Variants in CFAP221 observed in about 807,000 individuals in gnomAD.
CFAP221 encodes cilia and flagella associated protein 221.
In CFAP221, 97 loss-of-function variants were observed where a neutral mutation model predicts 113.1. The observed-to-expected ratio is 0.86, with a 90% CI of 0.73 to 1.02. The LOEUF is 1.02. CFAP221 is among the 50% of genes least tolerant of loss of function. The pLI, the probability that CFAP221 is intolerant of heterozygous loss-of-function variation, is 0.00. For missense variants in CFAP221, 1,025 were observed against 1,013.4 expected, an observed-to-expected ratio of 1.01 and a Z score of -0.16; for synonymous variants, 331 against 354.4, an observed-to-expected ratio of 0.93 and a Z score of 0.74.
chr2:119,642,670 C>T (rs1687563906), intron 21 of CFAP221, among the ~76,000 whole-genome samples: 1 of 150,978 alleles, frequency 6.6e-6, no homozygotes, highest in South Asian at 2.1e-4. Flanking sequence ...TCCCAAGTAG[C>T]TGGGATTATA....
intron 14 of CFAP221, among the ~76,000 whole-genome samples, chr2:119,617,219 G>C (rs1685587567): frequency 6.6e-6 from 1 of 152,204 alleles, no homozygotes; most frequent in South Asian, 2.1e-4. Context: ...GAGGAAGGCA[G>C]AGATCACTGC....
chr2:119,645,084 T>C (rs1015862436), intron 21 of CFAP221, among the ~76,000 whole-genome samples: 2 of 149,904 alleles, frequency 1.3e-5, no homozygotes, highest in African/African-American at 4.9e-5. Context: ...TCTTTTCTCT[T>C]TCTTTTCTCA....
At chr2:119,579,224 C>T (rs528590425) in intron 6 of CFAP221, among the ~76,000 whole-genome samples, 12 of 151,910 alleles carry the variant, frequency 7.9e-5, no homozygotes, top group African/African-American at 2.9e-4. Context: ...TTTTAGTTGC[C>T]TGATTCCTCT....
At chr2:119,591,903 G>GA (rs1169623436) in intron 7 of CFAP221, among the ~76,000 whole-genome samples, 3 of 151,564 alleles carry the variant, frequency 2.0e-5, no homozygotes, top group East Asian at 1.9e-4. Flanking sequence ...GCAACAATGG[G>GA]AAAAAAAGAG....
chr2:119,591,444 C>T (rs1465334808), intron 7 of CFAP221, among the ~76,000 whole-genome samples: 1 of 152,198 alleles, frequency 6.6e-6, no homozygotes, highest in African/African-American at 2.4e-5. Flanking sequence ...TGATGGGTGG[C>T]AGTGGTTGCA....
chr2:119,628,874 G>C (rs1686560314), intron 16 of CFAP221, among the ~76,000 whole-genome samples: 1 of 152,150 alleles, frequency 6.6e-6, no homozygotes, highest in African/African-American at 2.4e-5. Flanking sequence ...GGGTGAAGAG[G>C]TTGATGGGGT....
chr2:119,655,786 G>C (rs1688394314), intron 23 of CFAP221, among the ~76,000 whole-genome samples: 1 of 151,450 alleles, frequency 6.6e-6, no homozygotes. Flanking sequence ...TACTCCCACT[G>C]CACCCATCAA....
intron 14 of CFAP221, among the ~76,000 whole-genome samples, chr2:119,619,315 A>C (rs1299799819): frequency 6.6e-6 from 1 of 152,230 alleles, no homozygotes; most frequent in East Asian, 1.9e-4. Context: ...GCAGGGGTCT[A>C]CAAATACCTC....
At chr2:119,651,920 T>G in intron 22 of CFAP221, 54 bp from the exon 23 acceptor site, 1 of 1,375,944 alleles carries the variant, frequency 7.3e-7, no homozygotes, top group Admixed American at 1.9e-5. Context: ...TTCATTCCTA[T>G]TTTTACACTG....
In CFAP221 at chr2:119,611,725, G is replaced by A. The variant is rs752122190; in HGVS notation, c.1294G>A (p.Val432Ile). 262 of 1,612,584 alleles carry A rather than the reference G, an allele frequency of 1.6e-4. 1 individual carries two copies. Among genetic ancestry groups the A allele is most frequent in the South Asian group, 1.4e-3 (127 of 90,826 alleles). Residue 432 changes from valine (V) to isoleucine (I), a missense_variant, in exon 13 of 24, where the codon GTT becomes ATT. Transcript: ENST00000413369. ...LKTEVSHKRV[V>I]RNQEEKIKEF... ...AACAGAAGTTAGCCATAAACGGGTT[G>A]TTCGCAATCAAGAAGAGGTGGGTAA...
intron 3 of CFAP221, among the ~76,000 whole-genome samples, chr2:119,557,633 G>A (rs1442668184): frequency 6.6e-6 from 1 of 152,126 alleles, no homozygotes; most frequent in East Asian, 1.9e-4. Flanking sequence ...ATGGATTTAG[G>A]TGGCATAATT....
rs1162369723 is a variant in CFAP221 at position 119,559,760 on chromosome 2, C to A, written c.312C>A (p.Ile104=). 5.2e-6 allele frequency: 8 copies of A among 1,526,346 alleles called. No homozygotes were observed. Among genetic ancestry groups the A allele is most frequent in the Admixed American group, 2.0e-5 (1 of 50,942 alleles). 94.6% of individuals were successfully genotyped at this position (1,526,346 alleles called of 1,614,324 possible). A position where few individuals can be genotyped will look rare whatever the true frequency, so the allele number is the denominator to read the frequency against. The change falls in exon 4 of 24, where the codon ATC becomes ATA. Residue 104 remains isoleucine (I), a synonymous_variant. Transcript: ENST00000413369. Reference sequence around the variant, plus strand: ...CCCCGCAAACCAAATACTTTGAGATCAATTATGTAAGAAAGGTAAGCGTCA... The same window carrying A: ...CCCCGCAAACCAAATACTTTGAGATAAATTATGTAAGAAAGGTAAGCGTCA... ...ILPPQTKYFE[I]NYVRKEHHLV... is the part of the protein sequence containing the mutation.
intron 3 of CFAP221, among the ~76,000 whole-genome samples, chr2:119,553,986 C>A (rs948456135): frequency 2.0e-5 from 3 of 152,150 alleles, no homozygotes; most frequent in African/African-American, 7.2e-5. Flanking sequence ...GGTGGTCATA[C>A]TGCTTCGATC....
downstream of CFAP221, among the ~76,000 whole-genome samples, chr2:119,659,512 C>T (rs1377343866): frequency 6.6e-6 from 1 of 152,302 alleles, no homozygotes; most frequent in Non-Finnish European, 1.5e-5. Flanking sequence ...TTCTCATTCC[C>T]AATCCATCTC....
intron 5 of CFAP221, among the ~76,000 whole-genome samples, chr2:119,561,651 G>A (rs1348839683): frequency 2.0e-5 from 3 of 152,290 alleles, no homozygotes; most frequent in South Asian, 4.1e-4. Context: ...ATTCTGTGCT[G>A]TCTGGATCAG....
chr2:119,599,042 A>C (rs988402707), intron 7 of CFAP221, among the ~76,000 whole-genome samples: 4 of 152,182 alleles, frequency 2.6e-5, no homozygotes, highest in Non-Finnish European at 4.4e-5. Context: ...GGAGAGTCAC[A>C]GTTTCTATCC....
At chr2:119,562,204 G>A in intron 6 of CFAP221, 90 bp downstream of exon 6, 1 of 689,318 alleles carries the variant, frequency 1.5e-6, no homozygotes, top group South Asian at 2.2e-5. Flanking sequence ...TTTCCTAATG[G>A]AAGTTCATCC....
intron 6 of CFAP221, among the ~76,000 whole-genome samples, chr2:119,582,187 A>G (rs1200151603): frequency 6.6e-6 from 1 of 152,376 alleles, no homozygotes. Flanking sequence ...GAAGAAAAAC[A>G]TATTTGGAAA....
chr2:119,591,765 A>G (rs1335855742), intron 7 of CFAP221, among the ~76,000 whole-genome samples: 1 of 152,044 alleles, frequency 6.6e-6, no homozygotes, highest in Non-Finnish European at 1.5e-5. Flanking sequence ...TCAGCCTCTC[A>G]CCCTGCTGGG....
Sources: allele counts gnomAD v4.1 joint callset (sites outside exome capture counted in the v4.1 genomes callset), GRCh38; gene constraint gnomAD v4.1.1; transcripts MANE v1.5; gene names NCBI Gene and HGNC (gene_info 2026-07-23, HGNC 2026-07-21).